Variants in KCNIP1 observed in about 807,000 individuals in gnomAD.
The protein encoded by KCNIP1 is potassium voltage-gated channel interacting protein 1.
Under a neutral mutation model 33.0 loss-of-function variants are expected in KCNIP1, and 18 were observed. That is an observed-to-expected ratio of 0.55 (90% CI 0.38 to 0.81). The LOEUF is 0.81. KCNIP1 is among the 30% of genes least tolerant of loss of function. The pLI, the probability that KCNIP1 is intolerant of heterozygous loss-of-function variation, is 0.00. For missense variants in KCNIP1, 238 were observed against 271.6 expected (o/e 0.88, Z 0.87); for synonymous variants, 93 against 98.3 (o/e 0.95, Z 0.32).
chr5:170,685,631 G>T (rs932852739), intron 1 of KCNIP1, among the ~76,000 whole-genome samples: 3 of 151,884 alleles, frequency 2.0e-5, no homozygotes, highest in Non-Finnish European at 4.4e-5. Flanking sequence ...TGGGATTACA[G>T]GCATGTGCCA....
chr5:170,654,255 T>C (rs1761172019), intron 1 of KCNIP1, among the ~76,000 whole-genome samples: 1 of 152,190 alleles, frequency 6.6e-6, no homozygotes, highest in African/African-American at 2.4e-5. Flanking sequence ...GCACCCGTTT[T>C]CCACATATTG....
chr5:170,363,858 C>A (rs1763583421), intron 1 of KCNIP1, among the ~76,000 whole-genome samples: 1 of 152,072 alleles, frequency 6.6e-6, no homozygotes, highest in Non-Finnish European at 1.5e-5. Flanking sequence ...ACCCACTAAA[C>A]CCTTCCCCAT....
chr5:170,723,382 C>T (rs941809150), intron 5 of KCNIP1, among the ~76,000 whole-genome samples: 10 of 152,116 alleles, frequency 6.6e-5, no homozygotes, highest in Non-Finnish European at 1.5e-4. Context: ...GGACATGTCT[C>T]TAGCCAGTGA....
At chr5:170,451,118 T>A (rs2113072566) in intron 1 of KCNIP1, among the ~76,000 whole-genome samples, 1 of 152,330 alleles carries the variant, frequency 6.6e-6, no homozygotes, top group African/African-American at 2.4e-5. Flanking sequence ...AACATTGACA[T>A]CAGACAAGGC....
rs1401177788 is a variant in KCNIP1, at chr5:170,489,883, C to T, written c.88+135919C>T. On this transcript the variant is annotated intron_variant, in intron 1 of 7. Coordinates refer to the KCNIP1 transcript ENST00000377360. The surrounding 1 kb of genome is among the most constrained non-coding windows in gnomAD (Gnocchi z 4.3). ...CCCCAGGTCTGCCCTCCAACTGCCCCAAGCCCCACATGCCTGCAGGCGGCC... is the reference window on the plus strand; with the variant it reads ...CCCCAGGTCTGCCCTCCAACTGCCCTAAGCCCCACATGCCTGCAGGCGGCC... 6.6e-6 allele frequency among the ~76,000 whole-genome samples: 1 copy of T among 152,216 alleles called. No homozygotes were observed. The highest frequency in any genetic ancestry group is 1.5e-5 in the Non-Finnish European group (1 of 68,046).
chr5:170,444,357 GGCT>G (rs772495500), intron 1 of KCNIP1, among the ~76,000 whole-genome samples: 15 of 152,104 alleles, frequency 9.9e-5, no homozygotes, highest in Admixed American at 3.9e-4. Context: ...GTCTTTCTCA[GGCT>G]GCTACCTCTG....
chr5:170,506,528 C>G (rs956657587), intron 1 of KCNIP1, among the ~76,000 whole-genome samples: 1 of 152,074 alleles, frequency 6.6e-6, no homozygotes, highest in Non-Finnish European at 1.5e-5. Flanking sequence ...CCTTCTCCTG[C>G]CCCAAACATC....
At chr5:170,426,176 T>C (rs571739959) in intron 1 of KCNIP1, among the ~76,000 whole-genome samples, 2 of 152,178 alleles carry the variant, frequency 1.3e-5, no homozygotes, top group African/African-American at 4.8e-5. Flanking sequence ...ACTGGTTCTC[T>C]TAGGCCCCTG....
At chr5:170,636,378 C>G (rs1315386464) in intron 1 of KCNIP1, among the ~76,000 whole-genome samples, 1 of 152,060 alleles carries the variant, frequency 6.6e-6, no homozygotes, top group Non-Finnish European at 1.5e-5. Flanking sequence ...CAGAGGGTGG[C>G]GGGCCAACAG....
At chr5:170,725,766 T>C (rs1055484800) in intron 5 of KCNIP1, among the ~76,000 whole-genome samples, 28 of 152,190 alleles carry the variant, frequency 1.8e-4, no homozygotes, top group Non-Finnish European at 4.0e-4. Context: ...AAACTTGTCA[T>C]GTACCCCATA....
At chr5:170,593,277 C>T (rs1758328505) in intron 1 of KCNIP1, among the ~76,000 whole-genome samples, 1 of 152,154 alleles carries the variant, frequency 6.6e-6, no homozygotes, top group East Asian at 1.9e-4. Context: ...ACCTGCCAAC[C>T]CCATGTATTC....
At chr5:170,427,841 C>T (rs963990067) in intron 1 of KCNIP1, among the ~76,000 whole-genome samples, 5 of 152,222 alleles carry the variant, frequency 3.3e-5, no homozygotes, top group African/African-American at 1.2e-4. Context: ...ACACTTCCTG[C>T]AGCATCTGAG....
chr5:170,673,522 A>G (rs993966686), intron 1 of KCNIP1, among the ~76,000 whole-genome samples: 4 of 152,248 alleles, frequency 2.6e-5, no homozygotes, highest in Non-Finnish European at 1.5e-5. Flanking sequence ...CCTGAGGCAC[A>G]GGGCTAGTGA....
intron 1 of KCNIP1, among the ~76,000 whole-genome samples, chr5:170,651,934 C>A (rs530450127): frequency 3.9e-4 from 59 of 152,134 alleles, no homozygotes; most frequent in Non-Finnish European, 7.2e-4. Context: ...TAATTGTGTT[C>A]ATGTTTTTAA....
At chr5:170,475,736 C>G (rs35189623) in intron 1 of KCNIP1, among the ~76,000 whole-genome samples, 8,692 of 152,172 alleles carry the variant, frequency 0.057, 265 homozygotes, top group Non-Finnish European at 0.071. Context: ...GACTGATTAT[C>G]TAGCCCACCT....
chr5:170,463,637 A>T (rs924267531), intron 1 of KCNIP1, among the ~76,000 whole-genome samples: 2 of 152,230 alleles, frequency 1.3e-5, no homozygotes, highest in African/African-American at 4.8e-5. Flanking sequence ...TGATAAAAAC[A>T]CTCAACAAAC....
intron 1 of KCNIP1, among the ~76,000 whole-genome samples, chr5:170,570,700 A>C: frequency 6.6e-6 from 1 of 152,240 alleles, no homozygotes; most frequent in Admixed American, 6.5e-5. Flanking sequence ...TCAGCATTGG[A>C]GCACCAGCGA....
At chr5:170,429,348 C>T (rs1414234703) in intron 1 of KCNIP1, among the ~76,000 whole-genome samples, 1 of 151,750 alleles carries the variant, frequency 6.6e-6, no homozygotes, top group Non-Finnish European at 1.5e-5. Context: ...AGTCCTACTT[C>T]AGCCTAGTCT....
chr5:170,696,845 A>C (rs932132733), intron 1 of KCNIP1, among the ~76,000 whole-genome samples: 1 of 152,146 alleles, frequency 6.6e-6, no homozygotes, highest in African/African-American at 2.4e-5. Context: ...AAAGACCTTC[A>C]TAAAGAGCAT....
Sources: allele counts gnomAD v4.1 joint callset (sites outside exome capture counted in the v4.1 genomes callset), GRCh38; gene constraint gnomAD v4.1.1; non-coding constraint Gnocchi (gnomAD v3.1); transcripts MANE v1.5; gene names NCBI Gene and HGNC (gene_info 2026-07-23, HGNC 2026-07-21).